The following TSC2 variants were observed in gnomAD, a reference collection of about 807,000 sequenced individuals.
The protein encoded by TSC2 is TSC complex subunit 2, also known as tuberin.
TSC2 carries 29 observed loss-of-function variants against 202.2 expected under a neutral mutation model. The ratio of observed to expected loss-of-function variants is 0.14; its 90% confidence interval spans 0.11 to 0.20. The LOEUF (loss-of-function observed/expected upper bound fraction) is 0.20. Ranked by LOEUF, TSC2 falls within the 10% of genes least tolerant of loss-of-function variation. The probability of loss-of-function intolerance (pLI) is 1.00; values close to 1 mark genes in which losing one functional copy is unlikely to be tolerated. For missense variants in TSC2, 2,429 were observed against 2,420.0 expected, an observed-to-expected ratio of 1.00 and a Z score of -0.08; for synonymous variants, 1,349 against 1,044.0, an observed-to-expected ratio of 1.29 and a Z score of -5.63.
Position 2,079,001 on chromosome 16 carries a change from C to G in TSC2, c.2967-31C>G, listed in dbSNP as rs577422556. On this transcript the variant is annotated intron_variant, in intron 26 of 41. Transcript: ENST00000219476. This position sits in a 1 kb window ranked among gnomAD's most constrained non-coding sequence, Gnocchi z 4.6. The stretch of plus-strand genomic sequence containing the variant: ...GTGGCTCGGCCCGCCCTACCTGGCA[C>G]CCTGACCCTGGTCACGGCCTCTCCC... 3.7e-6 allele frequency: 6 copies of G among 1,611,392 alleles called. No individual in the cohort carries two copies. The South Asian group carries it at 6.6e-5, about 18-fold the overall frequency.
At chr16:2,084,200 G>T in intron 33 of TSC2, 28 bp from the exon 34 acceptor site, 1 of 1,559,820 alleles carries the variant, frequency 6.4e-7, no homozygotes. Flanking sequence ...CTGCTGACAG[G>T]GGTTCTCTTT....
In TSC2 at chr16:2,086,312, G is replaced by A. The variant is rs1367104092; in HGVS notation, c.4782G>A (p.Leu1594=). 6.2e-7 allele frequency: 1 copy of A among 1,612,960 alleles called. No individual in the cohort carries two copies. The highest frequency in any genetic ancestry group is 2.2e-5 in the East Asian group (1 of 44,880). Residue 1594 remains leucine (L), a synonymous_variant, in exon 37 of 42, where the codon CTG becomes CTA. Coordinates refer to ENST00000219476, the MANE Select transcript of TSC2 (RefSeq NM_000548.5). ...ACTGCCAGCCGGACAAGGTGTACCT[G>A]GGAGGCCTGGACGTGTGTGGTGAGG... ...LKDCQPDKVY[L]GGLDVCGEDG... is the part of the protein sequence containing the mutation.
At chr16:2,062,805 T>C in intron 13 of TSC2, 167 bp from the exon 14 acceptor site, 3 of 934,354 alleles carry the variant, frequency 3.2e-6, no homozygotes, top group Non-Finnish European at 4.9e-6. Flanking sequence ...GGCTCCCTCT[T>C]TTCGGGGGTC....
intron 6 of TSC2, 126 bp downstream of exon 6, chr16:2,055,645 C>T (rs941444565): frequency 3.0e-5 from 28 of 943,966 alleles, no homozygotes; most frequent in Non-Finnish European, 4.6e-5. Flanking sequence ...GTAATCTCAG[C>T]ACTTTGGGAG....
chr16:2,088,813 C>T lies in TSC2; in HGVS notation c.*203C>T, dbSNP rs950491593. 2 of 692,902 alleles carry T rather than the reference C, an allele frequency of 2.9e-6. No homozygotes were observed. The highest frequency in any genetic ancestry group is 1.9e-5 in the South Asian group (1 of 52,618). The allele number at this position is 692,902 out of a possible 1,614,324, so 42.9% of individuals were successfully genotyped here. On this transcript the variant is annotated 3_prime_UTR_variant, in exon 42 of 42. Coordinates refer to ENST00000219476, the MANE Select transcript of TSC2 (RefSeq NM_000548.5). ...TGCCCACAGAAGTGGTACACAGAAG[C>T]AGGCACAGCCAGCTCCGAGGGCCTT...
chr16:2,087,419 TAGTC>T (rs971009217), intron 38 of TSC2, among the ~76,000 whole-genome samples: 11 of 145,044 alleles, frequency 7.6e-5, no homozygotes, highest in Non-Finnish European at 1.3e-4. Flanking sequence ...CCGGGGCTGG[TAGTC>T]AGAGTCCAGG....
chr16:2,053,634 T>C (rs2085401276), intron 4 of TSC2, 182 bp downstream of exon 4: 2 of 702,698 alleles, frequency 2.8e-6, no homozygotes, highest in Non-Finnish European at 5.2e-6. Flanking sequence ...TGTGTGACCG[T>C]AGGCACTGCC....
chr16:2,084,613 C>T lies in TSC2; in HGVS notation c.4391C>T (p.Ser1464Phe). 6.2e-7 allele frequency: 1 copy of T among 1,602,052 alleles called. No individual in the cohort carries two copies. The highest frequency in any genetic ancestry group is 2.2e-5 in the East Asian group (1 of 44,872). Residue 1464 changes from serine (S) to phenylalanine (F), a missense_variant, in exon 34 of 42, where the codon TCC (serine) becomes TTC (phenylalanine). Physicochemically the swap from Ser to Phe is radical, Grantham distance 155 (BLOSUM62 -2). Transcript: ENST00000219476. ...SGLRPRGYTISDSAPSRRGKR... is the reference protein window; with the variant it reads ...SGLRPRGYTIFDSAPSRRGKR... ...CTCCGGCCCCGAGGTTACACCATCT[C>T]CGACTCGGCCCCATCACGCAGGGGC... is the stretch of plus-strand genomic sequence containing the variant.
intron 13 of TSC2, 111 bp from the exon 14 acceptor site, chr16:2,062,861 G>A: frequency 1.6e-6 from 2 of 1,246,858 alleles, no homozygotes; most frequent in South Asian, 1.3e-5. Flanking sequence ...TGCCCTGTGT[G>A]CCTGGCCGCG....
rs45517331 is a variant in TSC2 at position 2,084,437 on chromosome 16, C to T, written c.4215C>T (p.Ala1405=). ...QDILGDPGDK[A]DVGRLSPEVK... is the part of the protein sequence containing the mutation. ...TCCTCGGGGACCCTGGGGACAAGGC[C>T]GACGTGGGCCGGCTGAGCCCTGAGG... Residue 1405 remains alanine, a synonymous_variant, in exon 34 of 42, where the codon GCC becomes GCT. Coordinates refer to ENST00000219476, the MANE Select transcript of TSC2 (RefSeq NM_000548.5). 6,552 of 1,609,408 alleles carry T rather than the reference C, an allele frequency of 4.1e-3. 288 individuals are homozygous for T. In the South Asian group the frequency reaches 0.067, roughly 17 times the overall value.
chr16:2,081,272 G>A (rs2090112160), intron 30 of TSC2: 7 of 419,638 alleles, frequency 1.7e-5, no homozygotes, highest in South Asian at 1.5e-4. Flanking sequence ...CAGAGCCCAG[G>A]GGCGCCTGGG....
At position 2,077,862 on chromosome 16, in the gene TSC2, G is replaced by T. The variant is rs1436097934; in HGVS notation, c.2966+136G>T. The stretch of plus-strand genomic sequence containing the variant: ...CCTGGCCAGCCCAGGGGGAGCCGGT[G>T]ACGAGGGGTGGAAAGGTTGCATTCT... On this transcript the variant is annotated intron_variant, in intron 26 of 41. Coordinates refer to ENST00000219476, the MANE Select transcript of TSC2 (RefSeq NM_000548.5). 33 of 1,464,430 alleles carry T rather than the reference G, an allele frequency of 2.3e-5. 1 individual carries two copies. The South Asian group carries it at 4.0e-4, about 18-fold the overall frequency. 90.7% of individuals were successfully genotyped at this position (1,464,430 alleles called of 1,614,324 possible). A position where few individuals can be genotyped will look rare whatever the true frequency, so the allele number is the denominator to read the frequency against.
rs1345407745 is a variant in TSC2 at position 2,088,748 on chromosome 16, T to G, written c.*138T>G. On this transcript the variant is annotated 3_prime_UTR_variant, in exon 42 of 42. Transcript: ENST00000219476. Reference sequence around the variant, plus strand: ...TCTTTTATTGACTTTGTCTGCTTGGTGCGGGGGTTGGGGGGGTGTCGAGGC... The same window carrying G: ...TCTTTTATTGACTTTGTCTGCTTGGGGCGGGGGTTGGGGGGGTGTCGAGGC... The G allele has an allele frequency of 1.6e-6, 2 of 1,256,978 alleles. No individual in the cohort carries two copies. Among genetic ancestry groups the G allele is most frequent in the Non-Finnish European group, 2.2e-6 (2 of 917,316 alleles). 77.9% of individuals were successfully genotyped at this position (1,256,978 alleles called of 1,614,324 possible). A position where few individuals can be genotyped will look rare whatever the true frequency, so the allele number is the denominator to read the frequency against.
rs746677177 is a variant in TSC2, at chr16:2,071,603, G to A, written c.1933G>A (p.Val645Ile). ...DGVVRFSPYC[V>I]CDYMEPERGS... Reference sequence around the variant, plus strand: ...AGTCGTGCGGTTCAGCCCCTACTGCGTCTGCGACTACATGTACGCGGGACC... The same window carrying A: ...AGTCGTGCGGTTCAGCCCCTACTGCATCTGCGACTACATGTACGCGGGACC... Residue 645 changes from valine (V) to isoleucine (I), a missense_variant, in exon 18 of 42, where the codon GTC becomes ATC. Coordinates refer to ENST00000219476, the MANE Select transcript of TSC2 (RefSeq NM_000548.5). The A allele has an allele frequency of 1.5e-5, 25 of 1,613,290 alleles. No homozygotes were observed. Among genetic ancestry groups the A allele is most frequent in the Admixed American group, 6.7e-5 (4 of 60,004 alleles).
chr16:2,052,751 C>T (rs1460238862), intron 3 of TSC2, among the ~76,000 whole-genome samples: 1 of 152,206 alleles, frequency 6.6e-6, no homozygotes, highest in East Asian at 1.9e-4. Flanking sequence ...GAGACTGATT[C>T]TGGCAGCTTT....
At chr16:2,057,494 C>T (rs2086022289) in intron 9 of TSC2, among the ~76,000 whole-genome samples, 1 of 152,094 alleles carries the variant, frequency 6.6e-6, no homozygotes, top group African/African-American at 2.4e-5. Flanking sequence ...TTGCCCTTGC[C>T]CTCACCCCCA....
chr16:2,064,483 C>T (rs1279743715), intron 15 of TSC2, 56 bp downstream of exon 15: 1 of 1,609,752 alleles, frequency 6.2e-7, no homozygotes, highest in Non-Finnish European at 8.5e-7. Context: ...CCGTGGGCAG[C>T]AATGGCCTCT....
At chr16:2,050,176 C>G (rs1431415995) in intron 2 of TSC2, among the ~76,000 whole-genome samples, 1 of 152,012 alleles carries the variant, frequency 6.6e-6, no homozygotes. Flanking sequence ...AGGCTGGTCT[C>G]AAACTCCTGA....
chr16:2,062,622 TGCCTGGCACCTGGA>T (rs1188900573), intron 13 of TSC2, 22 bp downstream of exon 13: 3 of 1,588,678 alleles, frequency 1.9e-6, no homozygotes, highest in Non-Finnish European at 2.6e-6. Context: ...TCTGTAGCCT[TGCCTGGCACCTGGA>T]GCCTGGCCCT....
Sources: gnomAD v4.1 joint callset for allele counts (sites outside exome capture counted in the v4.1 genomes callset) on GRCh38, gnomAD v4.1.1 for gene constraint, Gnocchi (gnomAD v3.1) non-coding constraint, MANE v1.5 for transcripts, NCBI Gene and HGNC (gene_info 2026-07-23, HGNC 2026-07-21) for gene names.